EVL: variants seen among roughly 807,000 people sequenced by gnomAD.
EVL encodes the protein Enah/Vasp-like.
In EVL, 21 loss-of-function variants were observed where a neutral mutation model predicts 59.6. The ratio of observed to expected loss-of-function variants is 0.35; its 90% CI spans 0.25 to 0.51. EVL has a LOEUF of 0.51. Ranked by LOEUF, EVL falls within the 20% of genes least tolerant of loss-of-function variation. The pLI is 0.97. For missense variants in EVL, 462 were observed against 546.6 expected (o/e 0.85, Z 1.54); for synonymous variants, 198 against 203.5 (o/e 0.97, Z 0.23).
chr14:100,016,563 C>T (rs1053527189), intron 1 of EVL, among the ~76,000 whole-genome samples: 2 of 152,136 alleles, frequency 1.3e-5, no homozygotes, highest in South Asian at 2.1e-4. Flanking sequence ...GGCAAAAGAG[C>T]GAGACTCCGT....
chr14:99,971,626 C>G (rs994719938), exon 1 of EVL: 1 of 150,998 alleles, frequency 6.6e-6, no homozygotes, highest in Non-Finnish European at 1.5e-5. Flanking sequence ...CGCGCCCGCG[C>G]GCCTCTCCCT....
At chr14:100,142,580 A>G (rs1377666099) in intron 13 of EVL, among the ~76,000 whole-genome samples, 1 of 152,186 alleles carries the variant, frequency 6.6e-6, no homozygotes, top group Non-Finnish European at 1.5e-5. Context: ...GACCGGGGCA[A>G]AAGGGTCCCA....
chr14:100,084,879 T>C (rs1029319591), intron 2 of EVL, 24 bp downstream of exon 2: 2 of 1,612,418 alleles, frequency 1.2e-6, no homozygotes, highest in Non-Finnish European at 8.5e-7. Flanking sequence ...TTACAGATTA[T>C]ACCCGTGAGC....
chr14:100,132,154 G>A (rs1329204911), intron 7 of EVL, among the ~76,000 whole-genome samples: 1 of 151,568 alleles, frequency 6.6e-6, no homozygotes, highest in African/African-American at 2.4e-5. Flanking sequence ...ATTCATACTG[G>A]GGAGGTGCAC....
At chr14:100,111,895 G>A (rs1307213591) in intron 3 of EVL, among the ~76,000 whole-genome samples, 2 of 152,228 alleles carry the variant, frequency 1.3e-5, no homozygotes, top group African/African-American at 4.8e-5. Flanking sequence ...TCTGCCCAGT[G>A]GACCAGACTG....
chr14:100,137,866 G>A (rs773885431), intron 11 of EVL, 64 bp downstream of exon 11: 8 of 1,484,268 alleles, frequency 5.4e-6, no homozygotes, highest in Admixed American at 3.4e-5. Context: ...CCCCCGTCCC[G>A]TGACTAACAC....
At chr14:99,992,105 C>G (rs1048342907) in intron 1 of EVL, among the ~76,000 whole-genome samples, 2 of 152,124 alleles carry the variant, frequency 1.3e-5, no homozygotes, top group African/African-American at 4.8e-5. Context: ...TCTCTGCATC[C>G]TTGCCAGCAG....
chr14:100,079,358 G>A (rs1454529705), intron 1 of EVL, among the ~76,000 whole-genome samples: 1 of 152,228 alleles, frequency 6.6e-6, no homozygotes, highest in African/African-American at 2.4e-5. Flanking sequence ...TTTTCCCACA[G>A]TCAGGGTCAT....
At chr14:100,034,228 C>T (rs1242513027) in intron 1 of EVL, among the ~76,000 whole-genome samples, 3 of 138,488 alleles carry the variant, frequency 2.2e-5, no homozygotes, top group African/African-American at 8.8e-5. Context: ...GAGCTAGAAT[C>T]TGTCTCAAAA....
intron 1 of EVL, among the ~76,000 whole-genome samples, chr14:100,065,745 C>T (rs949558862): frequency 2.6e-5 from 4 of 152,136 alleles, no homozygotes; most frequent in Admixed American, 2.6e-4. Context: ...ATGCCTGTGA[C>T]CTTTAATGGC....
At chr14:100,100,930 G>A (rs530461884) in intron 3 of EVL, among the ~76,000 whole-genome samples, 43 of 152,186 alleles carry the variant, frequency 2.8e-4, no homozygotes, top group Non-Finnish European at 4.1e-4. Flanking sequence ...CATTTTCCAC[G>A]ATTATCCTCA....
intron 1 of EVL, among the ~76,000 whole-genome samples, chr14:100,001,450 C>T (rs1015632463): frequency 1.8e-4 from 28 of 152,222 alleles, no homozygotes; most frequent in African/African-American, 6.0e-4. Flanking sequence ...TCCAGTTTCC[C>T]GTTTTTACTA....
At chr14:100,084,879 T>TGCGCACC in intron 2 of EVL, 24 bp downstream of exon 2, 1 of 1,612,418 alleles carries the variant, frequency 6.2e-7, no homozygotes. Flanking sequence ...TTACAGATTA[T>TGCGCACC]ACCCGTGAGC....
At chr14:100,015,273 A>G (rs2061041750) in intron 1 of EVL, among the ~76,000 whole-genome samples, 1 of 152,232 alleles carries the variant, frequency 6.6e-6, no homozygotes, top group Non-Finnish European at 1.5e-5. Context: ...TTCGTATGAA[A>G]AGACATGGGT....
chr14:100,083,346 G>C (rs2062354857), intron 1 of EVL, among the ~76,000 whole-genome samples: 1 of 151,970 alleles, frequency 6.6e-6, no homozygotes, highest in Non-Finnish European at 1.5e-5. Context: ...CCCAACGTCT[G>C]TCTGGTTCTG....
Position 100,123,589 on chromosome 14 carries a change from G to A in EVL, c.409G>A (p.Asp137Asn), listed in dbSNP as rs1595222632. 1.2e-6 allele frequency: 2 copies of A among 1,614,106 alleles called. No homozygotes were observed. Among genetic ancestry groups the A allele is most frequent in the East Asian group, 4.5e-5 (2 of 44,876 alleles). Residue 137 changes from aspartate to asparagine, a missense_variant, in exon 4 of 14, where the codon GAC becomes AAC. Asp to Asn is a conservative substitution (Grantham distance 23). Transcript: ENST00000392920. ...VQNGPSPDEM[D>N]IQRRQVMEQH... ...GAATGGCCCCTCTCCTGATGAGATGGACATCCAGAGAAGGTAACCCAGCAC... is the reference window on the plus strand; with the variant it reads ...GAATGGCCCCTCTCCTGATGAGATGAACATCCAGAGAAGGTAACCCAGCAC...
At chr14:100,140,698 G>A (rs59114274) in intron 11 of EVL, 6,471 of 153,516 alleles carry the variant, frequency 0.042, 398 homozygotes, top group East Asian at 0.19. Flanking sequence ...CACCAGGGGC[G>A]CTGGTGTGTC....
intron 1 of EVL, among the ~76,000 whole-genome samples, chr14:99,991,915 G>A (rs191544236): frequency 3.4e-4 from 51 of 150,866 alleles, no homozygotes; most frequent in Admixed American, 2.8e-3. Flanking sequence ...GTGGTGGGAG[G>A]GTGGGAGTTT....
At chr14:100,031,278 A>G (rs561273043) in intron 1 of EVL, among the ~76,000 whole-genome samples, 1 of 152,332 alleles carries the variant, frequency 6.6e-6, no homozygotes, top group African/African-American at 2.4e-5. Flanking sequence ...TCCACTGATG[A>G]TTCTGATGTA....
Sources: allele counts gnomAD v4.1 joint callset (sites outside exome capture counted in the v4.1 genomes callset), GRCh38; gene constraint gnomAD v4.1.1; transcripts MANE v1.5; gene names NCBI Gene and HGNC (gene_info 2026-07-23, HGNC 2026-07-21).